NDUFAF2: variants seen among roughly 807,000 people sequenced by gnomAD.
NDUFAF2 encodes the protein NADH dehydrogenase [ubiquinone] 1 alpha subcomplex assembly factor 2.
A neutral mutation model predicts 22.8 loss-of-function variants in NDUFAF2; 13 were observed. That is an observed-to-expected ratio of 0.57 (90% confidence interval 0.37 to 0.91). NDUFAF2 has a LOEUF of 0.91. Ranked by LOEUF, NDUFAF2 falls within the 40% of genes least tolerant of loss-of-function variation. The probability of loss-of-function intolerance (pLI) is 0.01; values close to 1 mark genes in which losing one functional copy is unlikely to be tolerated. For synonymous variants in NDUFAF2, 53 were observed against 64.2 expected (o/e 0.83, Z 0.84); for missense variants, 162 against 195.2 (o/e 0.83, Z 1.01).
intron 1 of NDUFAF2, among the ~76,000 whole-genome samples, chr5:61,007,507 T>C (rs890808094): frequency 6.6e-6 from 1 of 152,172 alleles, no homozygotes. Context: ...GAACAGACAC[T>C]TCTCAAAAGA....
intron 3 of NDUFAF2, among the ~76,000 whole-genome samples, chr5:61,119,259 C>A (rs1217140525): frequency 2.6e-5 from 4 of 152,174 alleles, no homozygotes. Context: ...AAATACTTAT[C>A]ATCAGGCATC....
intron 1 of NDUFAF2, among the ~76,000 whole-genome samples, chr5:60,983,262 G>A (rs1169079000): frequency 9.3e-6 from 1 of 107,334 alleles, no homozygotes; most frequent in Non-Finnish European, 2.0e-5. Flanking sequence ...TTTTTTTCTT[G>A]TAAATTTGTT....
chr5:61,099,982 C>T (rs139570351), intron 3 of NDUFAF2, among the ~76,000 whole-genome samples: 1 of 152,264 alleles, frequency 6.6e-6, no homozygotes, highest in East Asian at 1.9e-4. Context: ...ATATACTGAA[C>T]CCATTAATGT....
At chr5:60,986,395 G>A (rs188860491) in intron 1 of NDUFAF2, among the ~76,000 whole-genome samples, 4 of 152,224 alleles carry the variant, frequency 2.6e-5, no homozygotes. Flanking sequence ...AATTAAGGCA[G>A]AAAACAAGAA....
intron 1 of NDUFAF2, among the ~76,000 whole-genome samples, chr5:61,068,585 A>G (rs775104801): frequency 2.6e-4 from 39 of 152,194 alleles, no homozygotes; most frequent in Admixed American, 7.9e-4. Context: ...TTAATATGAT[A>G]TTTTGAGTCA....
At chr5:61,121,054 A>G (rs1316338901) in intron 3 of NDUFAF2, among the ~76,000 whole-genome samples, 1 of 152,138 alleles carries the variant, frequency 6.6e-6, no homozygotes, top group Non-Finnish European at 1.5e-5. Flanking sequence ...CACATTGGTG[A>G]TAACCCCTAT....
At chr5:61,066,534 A>G (rs1322699626) in intron 1 of NDUFAF2, among the ~76,000 whole-genome samples, 1 of 152,078 alleles carries the variant, frequency 6.6e-6, no homozygotes, top group African/African-American at 2.4e-5. Context: ...TAATAGGCAC[A>G]TAGATCAGTG....
chr5:61,052,219 G>A (rs42437), intron 1 of NDUFAF2, among the ~76,000 whole-genome samples: 102,956 of 152,080 alleles, frequency 0.68, 35,203 homozygotes, highest in East Asian at 0.94. Flanking sequence ...CAAACAGTAT[G>A]AGAGCTTGTT....
chr5:60,963,465 G>C (rs1297010697), intron 1 of NDUFAF2, among the ~76,000 whole-genome samples: 1 of 152,126 alleles, frequency 6.6e-6, no homozygotes, highest in Non-Finnish European at 1.5e-5. Context: ...TTCCATAAGT[G>C]TTGTACATTG....
intron 3 of NDUFAF2, among the ~76,000 whole-genome samples, chr5:61,109,408 G>T (rs980500470): frequency 6.6e-5 from 10 of 152,216 alleles, no homozygotes; most frequent in Admixed American, 3.9e-4. Context: ...AGGATAATTT[G>T]ACTTCTTCCT....
chr5:60,964,957 C>T (rs565744235), intron 1 of NDUFAF2, among the ~76,000 whole-genome samples: 4 of 152,244 alleles, frequency 2.6e-5, no homozygotes, highest in East Asian at 3.9e-4. Flanking sequence ...TCCTTTGTCA[C>T]GTATTTTCTG....
At chr5:61,025,273 C>T (rs1446622747) in intron 1 of NDUFAF2, among the ~76,000 whole-genome samples, 4 of 151,878 alleles carry the variant, frequency 2.6e-5, no homozygotes, top group Admixed American at 6.6e-5. Flanking sequence ...TTGAATGAAT[C>T]GATAATTGTG....
chr5:60,954,765 A>C (rs1318431233), intron 1 of NDUFAF2, among the ~76,000 whole-genome samples: 1 of 151,094 alleles, frequency 6.6e-6, no homozygotes, highest in South Asian at 2.1e-4. Flanking sequence ...TTTTTTTTAA[A>C]TAGTAGCCAT....
chr5:60,967,387 G>A (rs1750771697), intron 1 of NDUFAF2, among the ~76,000 whole-genome samples: 1 of 152,000 alleles, frequency 6.6e-6, no homozygotes, highest in South Asian at 2.1e-4. Flanking sequence ...TTGAATACAA[G>A]TGGTGAGAGG....
intron 2 of NDUFAF2, among the ~76,000 whole-genome samples, chr5:61,095,423 G>A (rs570345027): frequency 7.2e-5 from 11 of 152,336 alleles, no homozygotes; most frequent in African/African-American, 2.6e-4. Flanking sequence ...GCCAGTGGTT[G>A]GCTGGAATTC....
intron 1 of NDUFAF2, among the ~76,000 whole-genome samples, chr5:61,034,039 G>C (rs34591): frequency 0.66 from 99,875 of 152,032 alleles, 33,217 homozygotes; most frequent in East Asian, 0.94. Flanking sequence ...TATGTAATTT[G>C]TGAGTTTATT....
At position 60,984,173 on chromosome 5, in the gene NDUFAF2, G is replaced by A. The variant is rs536858069; in HGVS notation, c.127+38791G>A. On this transcript the variant is annotated intron_variant, in intron 1 of 3. Transcript: ENST00000296597. Reference sequence around the variant, plus strand: ...ATTCTCTTTTAAGCAATTGTGAATGGGAGTTCATTCATGATTTGGCTGTTT... The same window carrying A: ...ATTCTCTTTTAAGCAATTGTGAATGAGAGTTCATTCATGATTTGGCTGTTT... Among the ~76,000 whole-genome samples, 13 of 152,234 alleles carry A rather than the reference G, an allele frequency of 8.5e-5. No homozygotes were observed. The South Asian group carries it at 2.7e-3, about 32-fold the overall frequency.
At chr5:61,034,973 CTCTG>C (rs1383999871) in intron 1 of NDUFAF2, among the ~76,000 whole-genome samples, 3 of 150,196 alleles carry the variant, frequency 2.0e-5, no homozygotes, top group Admixed American at 1.3e-4. Context: ...GTTAACATTC[CTCTG>C]TCTAAATATG....
chr5:61,067,044 T>G (rs1174544759), intron 1 of NDUFAF2, among the ~76,000 whole-genome samples: 1 of 152,138 alleles, frequency 6.6e-6, no homozygotes, highest in Non-Finnish European at 1.5e-5. Context: ...GTAATAAAAT[T>G]GTACTGTGTG....
Sources: gnomAD v4.1 joint callset for allele counts (sites outside exome capture counted in the v4.1 genomes callset) on GRCh38, gnomAD v4.1.1 for gene constraint, MANE v1.5 for transcripts, NCBI Gene and HGNC (gene_info 2026-07-23, HGNC 2026-07-21) for gene names.